Variants in SORCS3 observed in about 807,000 individuals in gnomAD.
The protein encoded by SORCS3 is sortilin related VPS10 domain containing receptor 3, also known as VPS10 domain-containing receptor SorCS3.
Under a neutral mutation model 146.3 loss-of-function variants are expected in SORCS3, and 57 were observed. The observed-to-expected ratio is 0.39, with a 90% CI of 0.31 to 0.49. The LOEUF (loss-of-function observed/expected upper bound fraction) is 0.49, where lower values mean the gene tolerates loss of function less well. Among genes scored for constraint, SORCS3 ranks in the 20% least tolerant of loss-of-function variants. The pLI, the probability that SORCS3 is intolerant of heterozygous loss-of-function variation, is 0.92. For missense variants in SORCS3, 1,341 were observed against 1,575.5 expected (o/e 0.85, Z 2.52); for synonymous variants, 653 against 618.5 (o/e 1.06, Z -0.83).
At chr10:104,978,369 AG>A (rs769189058) in intron 4 of SORCS3, among the ~76,000 whole-genome samples, 25 of 152,192 alleles carry the variant, frequency 1.6e-4, no homozygotes, top group Non-Finnish European at 2.9e-4. Flanking sequence ...GACCCCAATA[AG>A]ACCTCCTTCT....
intron 2 of SORCS3, among the ~76,000 whole-genome samples, chr10:104,906,122 C>G (rs983572710): frequency 2.4e-4 from 37 of 152,120 alleles, no homozygotes; most frequent in African/African-American, 8.2e-4. Flanking sequence ...CCGACTGGCT[C>G]TATGTAATTT....
intron 1 of SORCS3, among the ~76,000 whole-genome samples, chr10:104,838,629 C>T (rs997992942): frequency 3.3e-5 from 5 of 152,114 alleles, no homozygotes; most frequent in Non-Finnish European, 7.3e-5. Flanking sequence ...CCTCCTCATA[C>T]GTGTCCCACT....
chr10:104,911,683 G>A (rs1452596932), intron 2 of SORCS3, among the ~76,000 whole-genome samples: 1 of 152,222 alleles, frequency 6.6e-6, no homozygotes, highest in Admixed American at 6.5e-5. Context: ...GATTATGTAA[G>A]TAAACCTCTT....
At chr10:105,150,984 T>C (rs1199466895) in intron 9 of SORCS3, among the ~76,000 whole-genome samples, 1 of 152,206 alleles carries the variant, frequency 6.6e-6, no homozygotes, top group African/African-American at 2.4e-5. Flanking sequence ...CACATTCAAT[T>C]CAGCTAAATT....
intron 3 of SORCS3, among the ~76,000 whole-genome samples, chr10:104,963,455 G>A (rs567518618): frequency 3.9e-5 from 6 of 152,258 alleles, no homozygotes; most frequent in East Asian, 1.9e-4. Flanking sequence ...GATTTTAAGA[G>A]TATCTCACTC....
chr10:105,190,143 A>G (rs2056507070), intron 14 of SORCS3, among the ~76,000 whole-genome samples: 1 of 152,220 alleles, frequency 6.6e-6, no homozygotes, highest in African/African-American at 2.4e-5. Context: ...TGAGTCATGA[A>G]GGACTTAAAA....
intron 2 of SORCS3, among the ~76,000 whole-genome samples, chr10:104,909,820 T>C (rs1388991426): frequency 6.6e-6 from 1 of 151,316 alleles, no homozygotes; most frequent in Non-Finnish European, 1.5e-5. Context: ...ATAGCCCATA[T>C]TCTTATTGCC....
chr10:105,005,228 T>C (rs1158034663), intron 4 of SORCS3, among the ~76,000 whole-genome samples: 1 of 152,190 alleles, frequency 6.6e-6, no homozygotes, highest in Non-Finnish European at 1.5e-5. Flanking sequence ...AAATGCACCC[T>C]TGGGTGAGTA....
chr10:104,811,749 A>G (rs1449835489), intron 1 of SORCS3, among the ~76,000 whole-genome samples: 1 of 152,152 alleles, frequency 6.6e-6, no homozygotes, highest in African/African-American at 2.4e-5. Flanking sequence ...AGGGCAGATG[A>G]TGGTGGCAGC....
At chr10:104,782,247 C>T (rs754782417) in intron 1 of SORCS3, among the ~76,000 whole-genome samples, 31 of 152,168 alleles carry the variant, frequency 2.0e-4, no homozygotes, top group Non-Finnish European at 4.3e-4. Flanking sequence ...GAGTTGTTGA[C>T]GTGGCTTAGG....
chr10:104,901,653 C>T (rs999043511), intron 2 of SORCS3, among the ~76,000 whole-genome samples: 12 of 152,146 alleles, frequency 7.9e-5, no homozygotes, highest in African/African-American at 2.7e-4. Flanking sequence ...TGTGCTATGT[C>T]GTCTTGCCCA....
chr10:105,007,029 A>C (rs572264829), intron 4 of SORCS3, among the ~76,000 whole-genome samples: 1 of 152,306 alleles, frequency 6.6e-6, no homozygotes, highest in South Asian at 2.1e-4. Flanking sequence ...CAACAGGGTA[A>C]GTGAGTGTGA....
intron 1 of SORCS3, among the ~76,000 whole-genome samples, chr10:104,832,001 T>A (rs1020135085): frequency 6.6e-6 from 1 of 152,222 alleles, no homozygotes; most frequent in African/African-American, 2.4e-5. Context: ...CTGTTACTAG[T>A]CCTGAGGCAT....
intron 1 of SORCS3, among the ~76,000 whole-genome samples, chr10:104,643,550 A>G (rs2015454128): frequency 6.6e-6 from 1 of 152,180 alleles, no homozygotes; most frequent in Non-Finnish European, 1.5e-5. Flanking sequence ...AGAGGGGTGG[A>G]CAATGTGTGC....
At chr10:105,131,082 C>T (rs1213535857) in intron 7 of SORCS3, among the ~76,000 whole-genome samples, 1 of 151,994 alleles carries the variant, frequency 6.6e-6, no homozygotes, top group African/African-American at 2.4e-5. Context: ...TCCTATGGTC[C>T]AATATTTGGA....
intron 17 of SORCS3, among the ~76,000 whole-genome samples, chr10:105,213,280 G>T (rs1387624878): frequency 6.6e-6 from 1 of 152,154 alleles, no homozygotes; most frequent in Non-Finnish European, 1.5e-5. Context: ...TTCAGCAGTG[G>T]GGTGGCAGGG....
chr10:104,838,729 C>T (rs555515850), intron 1 of SORCS3, among the ~76,000 whole-genome samples: 1 of 152,288 alleles, frequency 6.6e-6, no homozygotes, highest in East Asian at 1.9e-4. Flanking sequence ...GGTAGTGTCA[C>T]TGTAGCATAG....
chr10:104,667,223 T>C (rs1018467952), intron 1 of SORCS3, among the ~76,000 whole-genome samples: 7 of 152,208 alleles, frequency 4.6e-5, no homozygotes, highest in Admixed American at 1.3e-4. Context: ...TGCAAGGCAC[T>C]GTGCTCACAT....
intron 1 of SORCS3, among the ~76,000 whole-genome samples, chr10:104,794,319 G>A (rs2017527108): frequency 6.6e-6 from 1 of 152,160 alleles, no homozygotes; most frequent in South Asian, 2.1e-4. Flanking sequence ...ACTCCCCAGT[G>A]AGCCTGTTTT....
Sources: allele counts gnomAD v4.1 joint callset (sites outside exome capture counted in the v4.1 genomes callset), GRCh38; gene constraint gnomAD v4.1.1; transcripts MANE v1.5; gene names NCBI Gene and HGNC (gene_info 2026-07-23, HGNC 2026-07-21).